The following C9 variants were observed in gnomAD, a reference collection of about 807,000 sequenced individuals.
C9 encodes the protein complement C9, also known as complement component C9.
Under a neutral mutation model 65.4 loss-of-function variants are expected in C9, and 63 were observed. The observed-to-expected ratio is 0.96, with a 90% CI of 0.79 to 1.19. The LOEUF (loss-of-function observed/expected upper bound fraction) is 1.19, where lower values mean the gene tolerates loss of function less well. Ranked by LOEUF, C9 falls within the 50% of genes most tolerant of loss-of-function variation. The pLI is 0.00. For synonymous variants in C9, 229 were observed against 227.9 expected (o/e 1.00, Z -0.04); for missense variants, 744 against 670.1 (o/e 1.11, Z -1.22).
intron 9 of C9, among the ~76,000 whole-genome samples, chr5:39,305,206 A>T (rs1337814067): frequency 1.3e-5 from 2 of 152,150 alleles, no homozygotes; most frequent in Non-Finnish European, 1.5e-5. Context: ...TTTTAATTTC[A>T]TACATGGAAT....
At chr5:39,337,393 C>T (rs1753989997) in intron 4 of C9, among the ~76,000 whole-genome samples, 1 of 152,184 alleles carries the variant, frequency 6.6e-6, no homozygotes, top group East Asian at 1.9e-4. Flanking sequence ...AGAAATGTTT[C>T]AAAAGCTTTG....
At chr5:39,333,957 C>T (rs112542644) in intron 4 of C9, among the ~76,000 whole-genome samples, 348 of 152,280 alleles carry the variant, frequency 2.3e-3, no homozygotes, top group African/African-American at 4.8e-3. Context: ...GATCTCGGCT[C>T]GCTGCAGCCT....
At chr5:39,347,252 C>T (rs1429814640) in intron 1 of C9, among the ~76,000 whole-genome samples, 8 of 152,138 alleles carry the variant, frequency 5.3e-5, no homozygotes, top group Non-Finnish European at 7.4e-5. Flanking sequence ...GCAGATGACA[C>T]GACTGTATAT....
At chr5:39,305,693 A>G (rs888662750) in intron 9 of C9, among the ~76,000 whole-genome samples, 3 of 152,182 alleles carry the variant, frequency 2.0e-5, no homozygotes, top group African/African-American at 7.2e-5. Flanking sequence ...ATATCTTTAC[A>G]ATGATAACAC....
chr5:39,312,646 G>A (rs1753505999), intron 6 of C9, among the ~76,000 whole-genome samples: 1 of 152,194 alleles, frequency 6.6e-6, no homozygotes. Context: ...AGTGAACTGT[G>A]TGATTCAATG....
intron 1 of C9, among the ~76,000 whole-genome samples, chr5:39,362,833 G>A (rs1175293752): frequency 6.6e-6 from 1 of 152,190 alleles, no homozygotes; most frequent in Non-Finnish European, 1.5e-5. Flanking sequence ...AAAGGGCAAA[G>A]CACAGAGCAT....
chr5:39,341,451 T>C, intron 3 of C9, 105 bp downstream of exon 3: 2 of 1,486,652 alleles, frequency 1.3e-6, no homozygotes, highest in Admixed American at 3.4e-5. Flanking sequence ...TTGGGGCCTT[T>C]CACGCTTGGA....
At position 39,339,651 on chromosome 5, in the gene C9, C is replaced by CTT. The variant is rs550624256; in HGVS notation, c.476+1493_476+1494dup. 3.7e-3 allele frequency among the ~76,000 whole-genome samples: 215 copies of CTT among 57,552 alleles called. 5 individuals are homozygous for CTT. The highest frequency in any genetic ancestry group is 0.014 in the African/African-American group (192 of 13,624). 37.8% of individuals were successfully genotyped at this position (57,552 alleles called of 152,430 possible). A position where few individuals can be genotyped will look rare whatever the true frequency, so the allele number is the denominator to read the frequency against. On this transcript the variant is annotated intron_variant, in intron 4 of 10. Coordinates refer to ENST00000263408, the MANE Select transcript of C9 (RefSeq NM_001737.5). ...GGTCTCCAGATACTGTCTTTTCTCT[C>CTT]TTTTTTTTTTTTTTTTTTTTTTTTT...
intron 5 of C9, among the ~76,000 whole-genome samples, chr5:39,326,936 T>C (rs994551327): frequency 3.9e-5 from 6 of 152,172 alleles, no homozygotes; most frequent in South Asian, 2.1e-4. Flanking sequence ...TATGCTGGCA[T>C]GAATTTTTTA....
chr5:39,356,954 C>T (rs1488111855), intron 1 of C9, among the ~76,000 whole-genome samples: 1 of 152,132 alleles, frequency 6.6e-6, no homozygotes. Context: ...ATGTGTTTAT[C>T]AAATAAAACG....
intron 4 of C9, among the ~76,000 whole-genome samples, chr5:39,339,152 G>A (rs917641789): frequency 3.3e-5 from 5 of 152,150 alleles, no homozygotes; most frequent in Non-Finnish European, 7.4e-5. Context: ...CTAGTTATAA[G>A]ATTTGGGAAA....
At chr5:39,300,520 A>C (rs1241581694) in intron 9 of C9, among the ~76,000 whole-genome samples, 2 of 152,156 alleles carry the variant, frequency 1.3e-5, no homozygotes, top group Non-Finnish European at 2.9e-5. Flanking sequence ...ACTTGAGGAC[A>C]CAAACAAATT....
chr5:39,347,559 T>C (rs1171917964), intron 1 of C9, among the ~76,000 whole-genome samples: 2 of 152,138 alleles, frequency 1.3e-5, no homozygotes, highest in African/African-American at 4.8e-5. Context: ...TGCTCATGGA[T>C]AGGAAGAATC....
intron 10 of C9, among the ~76,000 whole-genome samples, chr5:39,288,120 A>G (rs1025044738): frequency 6.6e-6 from 1 of 152,002 alleles, no homozygotes; most frequent in Non-Finnish European, 1.5e-5. Context: ...ATTTAAAAAC[A>G]TACAAAACAA....
intron 9 of C9, among the ~76,000 whole-genome samples, chr5:39,300,015 A>C (rs1248308744): frequency 6.6e-6 from 1 of 152,128 alleles, no homozygotes. Flanking sequence ...TTATATTAGA[A>C]AAGGTTTGTT....
intron 1 of C9, among the ~76,000 whole-genome samples, chr5:39,359,102 GTATATATATATA>G (rs1157807681): frequency 2.9e-5 from 3 of 103,668 alleles, no homozygotes; most frequent in African/African-American, 1.1e-4. Flanking sequence ...GTGTGTGTGT[GTATATATATATA>G]TATATATATA....
chr5:39,290,621 T>C (rs929868374), intron 9 of C9, among the ~76,000 whole-genome samples: 4 of 151,782 alleles, frequency 2.6e-5, no homozygotes, highest in Non-Finnish European at 5.9e-5. Context: ...TTAAAACTGC[T>C]AAAATGCCCT....
intron 7 of C9, among the ~76,000 whole-genome samples, chr5:39,310,426 C>G (rs1384686266): frequency 1.3e-5 from 2 of 152,132 alleles, no homozygotes; most frequent in Non-Finnish European, 2.9e-5. Context: ...AATATAGTCA[C>G]TTTGCATTTA....
chr5:39,336,578 A>C (rs1391859556), intron 4 of C9, among the ~76,000 whole-genome samples: 1 of 152,124 alleles, frequency 6.6e-6, no homozygotes, highest in Non-Finnish European at 1.5e-5. Flanking sequence ...AATGAAATGA[A>C]TGAGTCTTCT....
Sources: gnomAD v4.1 joint callset for allele counts (sites outside exome capture counted in the v4.1 genomes callset) on GRCh38, gnomAD v4.1.1 for gene constraint, MANE v1.5 for transcripts, NCBI Gene and HGNC (gene_info 2026-07-23, HGNC 2026-07-21) for gene names.